The following DNAI4 variants were observed in gnomAD, a reference collection of about 807,000 sequenced individuals.
The protein encoded by DNAI4 is WD repeat domain 78.
A neutral mutation model predicts 105.8 loss-of-function variants in DNAI4; 85 were observed. The ratio of observed to expected loss-of-function variants is 0.80; its 90% CI spans 0.67 to 0.96. The LOEUF is 0.96. DNAI4 is among the 40% of genes least tolerant of loss of function. The pLI, the probability that DNAI4 is intolerant of heterozygous loss-of-function variation, is 0.00. For missense variants in DNAI4, 1,014 were observed against 1,005.6 expected, an observed-to-expected ratio of 1.01 and a Z score of -0.11; for synonymous variants, 352 against 331.5, an observed-to-expected ratio of 1.06 and a Z score of -0.67.
intron 16 of DNAI4, among the ~76,000 whole-genome samples, chr1:66,821,507 C>T (rs1003902550): frequency 6.6e-6 from 1 of 152,118 alleles, no homozygotes; most frequent in Non-Finnish European, 1.5e-5. Context: ...CAAATGTTTG[C>T]CAGTACAGAG....
chr1:66,847,730 T>C, intron 7 of DNAI4, 52 bp from the exon 8 acceptor site: 1 of 1,357,978 alleles, frequency 7.4e-7, no homozygotes. Flanking sequence ...GGATGGTTCA[T>C]ACATTCTAAA....
chr1:66,841,121 A>T (rs561289335), intron 8 of DNAI4, among the ~76,000 whole-genome samples: 1 of 152,032 alleles, frequency 6.6e-6, no homozygotes, highest in Non-Finnish European at 1.5e-5. Flanking sequence ...TACTTCCCAC[A>T]CTCTGACAGG....
chr1:66,822,284 A>G (rs1367223709), intron 16 of DNAI4, 77 bp downstream of exon 16: 12 of 1,299,040 alleles, frequency 9.2e-6, no homozygotes, highest in Non-Finnish European at 1.3e-5. Flanking sequence ...TGAGAAATGT[A>G]AATCCTTTGC....
At chr1:66,829,878 T>C (rs1388840903) in intron 13 of DNAI4, among the ~76,000 whole-genome samples, 2 of 152,206 alleles carry the variant, frequency 1.3e-5, no homozygotes, top group Admixed American at 1.3e-4. Context: ...TCTCTAATTA[T>C]GGTGGGATTG....
chr1:66,869,076 A>G lies in DNAI4; in HGVS notation c.940+2294T>C, dbSNP rs269398. 8.1e-3 allele frequency among the ~76,000 whole-genome samples: 1,184 copies of G among 146,790 alleles called. 14 individuals are homozygous for G. The highest frequency in any genetic ancestry group is 0.03 in the African/African-American group (1,137 of 37,892). ...CGACAGAGTGAGACTCTGTCTCAAA[A>G]TAAATAAATAAATAAATAAATAAAT... is the stretch of plus-strand genomic sequence containing the variant. On this transcript the variant is annotated intron_variant, in intron 6 of 16. Transcript: ENST00000371026.
intron 7 of DNAI4, among the ~76,000 whole-genome samples, chr1:66,850,152 A>G (rs1384940338): frequency 6.6e-6 from 1 of 151,830 alleles, no homozygotes; most frequent in Non-Finnish European, 1.5e-5. Context: ...CAAAAAAAAA[A>G]AAAAAAAATC....
chr1:66,842,628 C>T (rs1261385909), intron 8 of DNAI4, among the ~76,000 whole-genome samples: 1 of 152,210 alleles, frequency 6.6e-6, no homozygotes, highest in African/African-American at 2.4e-5. Flanking sequence ...AACTCCTTTC[C>T]TCAAGTGGCC....
intron 14 of DNAI4, among the ~76,000 whole-genome samples, chr1:66,827,329 A>G (rs1451705540): frequency 1.3e-5 from 2 of 152,072 alleles, no homozygotes; most frequent in African/African-American, 4.8e-5. Flanking sequence ...GAGGGAGAAA[A>G]TGAAGAAAAT....
At chr1:66,864,895 T>C (rs1646700167) in intron 6 of DNAI4, among the ~76,000 whole-genome samples, 1 of 152,144 alleles carries the variant, frequency 6.6e-6, no homozygotes, top group South Asian at 2.1e-4. Context: ...ATACTTCTGT[T>C]AGAGGTGGCT....
chr1:66,861,169 C>T (rs182373670), intron 7 of DNAI4, among the ~76,000 whole-genome samples: 35 of 152,252 alleles, frequency 2.3e-4, no homozygotes, highest in African/African-American at 8.2e-4. Context: ...AGAAATTATT[C>T]TCTTTAAACT....
chr1:66,837,632 T>A, intron 10 of DNAI4, 78 bp downstream of exon 10: 1 of 1,395,924 alleles, frequency 7.2e-7, no homozygotes, highest in Non-Finnish European at 9.8e-7. Context: ...TTTATTTAAT[T>A]ATTACATGTA....
At chr1:66,841,333 G>A (rs989328057) in intron 8 of DNAI4, among the ~76,000 whole-genome samples, 2 of 152,104 alleles carry the variant, frequency 1.3e-5, no homozygotes, top group African/African-American at 4.8e-5. Flanking sequence ...AATGGCTTCT[G>A]GTTGTTTTTT....
chr1:66,924,583 C>G (rs1650993752), intron 1 of DNAI4, 79 bp downstream of exon 1: 1 of 1,603,168 alleles, frequency 6.2e-7, no homozygotes, highest in African/African-American at 1.3e-5. Flanking sequence ...TTTCCAAATC[C>G]AGAAATGGTA....
chr1:66,872,252 G>C (rs1488521494), intron 5 of DNAI4, among the ~76,000 whole-genome samples: 1 of 144,106 alleles, frequency 6.9e-6, no homozygotes, highest in Non-Finnish European at 1.5e-5. Flanking sequence ...TTATTGAGAC[G>C]GAGTCTTGCT....
intron 11 of DNAI4, among the ~76,000 whole-genome samples, chr1:66,835,051 T>C (rs1645950772): frequency 6.6e-6 from 1 of 152,152 alleles, no homozygotes; most frequent in Non-Finnish European, 1.5e-5. Flanking sequence ...TTGGCTTTCC[T>C]CATATGACTC....
At chr1:66,844,189 A>G (rs574504268) in intron 8 of DNAI4, among the ~76,000 whole-genome samples, 1 of 151,924 alleles carries the variant, frequency 6.6e-6, no homozygotes, top group South Asian at 2.1e-4. Context: ...GTGCTTCACT[A>G]TAATGATCTT....
intron 4 of DNAI4, among the ~76,000 whole-genome samples, chr1:66,879,253 T>A (rs1253181583): frequency 6.6e-6 from 1 of 152,222 alleles, no homozygotes; most frequent in Non-Finnish European, 1.5e-5. Context: ...TTTGCCTTTC[T>A]CTAGACTGTC....
chr1:66,850,405 T>C (rs1053157019), intron 7 of DNAI4, among the ~76,000 whole-genome samples: 7 of 151,268 alleles, frequency 4.6e-5, no homozygotes, highest in Admixed American at 3.3e-4. Context: ...TATTCTCAGA[T>C]GAAGGAATAC....
chr1:66,815,907 T>G (rs1645504978), intron 16 of DNAI4, among the ~76,000 whole-genome samples: 1 of 152,198 alleles, frequency 6.6e-6, no homozygotes, highest in Non-Finnish European at 1.5e-5. Context: ...AACCCTAAGC[T>G]GGTAGGACAG....
Sources: gnomAD v4.1 joint callset for allele counts (sites outside exome capture counted in the v4.1 genomes callset) on GRCh38, gnomAD v4.1.1 for gene constraint, MANE v1.5 for transcripts, NCBI Gene and HGNC (gene_info 2026-07-23, HGNC 2026-07-21) for gene names.